Variants in TYW1 observed in about 807,000 individuals in gnomAD.
TYW1 encodes tRNA-yW synthesizing protein 1 homolog.
TYW1 carries 46 observed loss-of-function variants against 96.2 expected under a neutral mutation model. That is an observed-to-expected ratio of 0.48 (90% CI 0.38 to 0.61). The LOEUF (loss-of-function observed/expected upper bound fraction) is 0.61. Ranked by LOEUF, TYW1 falls within the 20% of genes least tolerant of loss-of-function variation. The probability of loss-of-function intolerance (pLI) is 0.00; values close to 1 mark genes in which losing one functional copy is unlikely to be tolerated. For missense variants in TYW1, 684 were observed against 909.6 expected, an observed-to-expected ratio of 0.75 and a Z score of 3.19; for synonymous variants, 274 against 323.0, an observed-to-expected ratio of 0.85 and a Z score of 1.63.
intron 15 of TYW1, among the ~76,000 whole-genome samples, chr7:67,217,425 A>C (rs1801233145): frequency 6.6e-6 from 1 of 152,226 alleles, no homozygotes; most frequent in African/African-American, 2.4e-5. Flanking sequence ...ATTTTGAGTT[A>C]ATTTTTGCAT....
rs1311982611 is a variant in TYW1, at chr7:67,009,607, G to A, written c.298G>A (p.Ala100Thr). The change falls in exon 4 of 16, where the codon GCA becomes ACA. Residue 100 changes from alanine to threonine, a missense_variant. Physicochemically the swap from Ala to Thr is moderately conservative, Grantham distance 58 (BLOSUM62 0). Transcript: ENST00000359626. Reference protein sequence around the residue: ...AKGFATVLAEAVTSLDLPVAI... With the variant: ...AKGFATVLAETVTSLDLPVAI... The stretch of plus-strand genomic sequence containing the variant: ...GGGATTCGCAACAGTTCTTGCTGAA[G>A]CAGTTACATCCCTGGATCTGCCTGT... 6.2e-7 allele frequency: 1 copy of A among 1,612,360 alleles called. No homozygotes were observed. Among genetic ancestry groups the A allele is most frequent in the South Asian group, 1.1e-5 (1 of 90,306 alleles).
intron 12 of TYW1, among the ~76,000 whole-genome samples, chr7:67,102,007 A>G (rs1462514895): frequency 2.0e-5 from 3 of 152,200 alleles, no homozygotes; most frequent in Non-Finnish European, 4.4e-5. Flanking sequence ...GTTGGGTTTT[A>G]AATTCCTGAA....
chr7:67,233,267 G>A lies in TYW1; in HGVS notation c.1978-5041G>A, dbSNP rs1357099585. On this transcript the variant is annotated intron_variant, in intron 15 of 15. Coordinates refer to ENST00000359626, the MANE Select transcript of TYW1 (RefSeq NM_018264.4). ...GTTTCAAGAGGAAGTAATAGTAAATGCATGTGTTTAATCTACCATCTTTAA... is the reference window on the plus strand; with the variant it reads ...GTTTCAAGAGGAAGTAATAGTAAATACATGTGTTTAATCTACCATCTTTAA... Among the ~76,000 whole-genome samples, 2 of 135,068 alleles carry A rather than the reference G, an allele frequency of 1.5e-5. 1 individual carries two copies. The highest frequency in any genetic ancestry group is 3.2e-5 in the Non-Finnish European group (2 of 62,910). The allele number at this position is 135,068 out of a possible 152,430, so 88.6% of individuals were successfully genotyped here.
chr7:67,040,648 C>T (rs1267768796), intron 7 of TYW1, among the ~76,000 whole-genome samples: 1 of 152,014 alleles, frequency 6.6e-6, no homozygotes, highest in East Asian at 1.9e-4. Context: ...AGTTTGAGAC[C>T]AGCCTGGGCA....
chr7:67,204,500 TTC>T (rs1439708836), intron 15 of TYW1, among the ~76,000 whole-genome samples: 14 of 144,990 alleles, frequency 9.7e-5, no homozygotes, highest in African/African-American at 2.3e-4. Context: ...CCCTTCCTTC[TTC>T]TCTTTTTTTA....
chr7:67,100,457 A>G (rs974602515), intron 12 of TYW1, among the ~76,000 whole-genome samples: 2 of 151,566 alleles, frequency 1.3e-5, no homozygotes, highest in African/African-American at 2.4e-5. Context: ...TGCTCAGTAC[A>G]TGGGTAGTGA....
chr7:67,158,099 T>TTTTC, intron 13 of TYW1, among the ~76,000 whole-genome samples: 1 of 146,550 alleles, frequency 6.8e-6, no homozygotes, highest in Non-Finnish European at 1.5e-5. Flanking sequence ...TTTTTTTTTT[T>TTTTC]TTTTTTTGTG....
intron 15 of TYW1, among the ~76,000 whole-genome samples, chr7:67,228,532 C>T (rs1000952246): frequency 4.6e-5 from 7 of 152,138 alleles, no homozygotes; most frequent in African/African-American, 1.4e-4. Flanking sequence ...TTAATAAAGG[C>T]TTTTTCCTAA....
intron 13 of TYW1, among the ~76,000 whole-genome samples, chr7:67,145,596 T>G (rs1285584148): frequency 6.6e-6 from 1 of 152,202 alleles, no homozygotes; most frequent in Non-Finnish European, 1.5e-5. Context: ...TTACTATTGT[T>G]TCATCATCTT....
chr7:67,108,810 A>G (rs1450434004), intron 12 of TYW1, among the ~76,000 whole-genome samples: 7 of 152,116 alleles, frequency 4.6e-5, no homozygotes, highest in African/African-American at 1.7e-4. Context: ...CATTTGCTGA[A>G]CATTATAGAC....
intron 15 of TYW1, among the ~76,000 whole-genome samples, chr7:67,223,131 G>A (rs943506402): frequency 6.6e-6 from 1 of 151,868 alleles, no homozygotes; most frequent in Non-Finnish European, 1.5e-5. Flanking sequence ...CTTTAAGATC[G>A]CTGTTTTAAA....
intron 1 of TYW1, among the ~76,000 whole-genome samples, chr7:66,997,848 C>T (rs1281885311): frequency 1.3e-5 from 2 of 152,056 alleles, no homozygotes; most frequent in African/African-American, 2.4e-5. Flanking sequence ...AGGCTGGTCT[C>T]GAACTCCTGA....
chr7:67,154,568 T>G (rs1268590299), intron 13 of TYW1, among the ~76,000 whole-genome samples: 1 of 152,072 alleles, frequency 6.6e-6, no homozygotes, highest in East Asian at 1.9e-4. Flanking sequence ...CTTAGTCTAA[T>G]GGAGATTCCC....
chr7:67,094,556 T>G (rs891799214), intron 11 of TYW1, among the ~76,000 whole-genome samples: 4 of 152,188 alleles, frequency 2.6e-5, no homozygotes, highest in African/African-American at 9.7e-5. Flanking sequence ...TTTGCATTTC[T>G]CTGCAAATGA....
At chr7:67,151,515 T>G (rs1244716349) in intron 13 of TYW1, among the ~76,000 whole-genome samples, 1 of 152,118 alleles carries the variant, frequency 6.6e-6, no homozygotes, top group Non-Finnish European at 1.5e-5. Context: ...AATGTCTCCT[T>G]TAGGAGTGAT....
In TYW1 at chr7:67,194,978, C is replaced by T. The variant is rs1584681313; in HGVS notation, c.1810-192C>T. 2.7e-5 allele frequency among the ~76,000 whole-genome samples: 4 copies of T among 146,396 alleles called. No homozygotes were observed. In the East Asian group the frequency reaches 7.7e-4, roughly 28 times the overall value. On this transcript the variant is annotated intron_variant, in intron 14 of 15. Transcript: ENST00000359626. Reference sequence around the variant, plus strand: ...ATAGAGTAGCAAGAGCATCAGCCTGCTGTCTTTGTCAGTAGCTACTTGTAT... The same window carrying T: ...ATAGAGTAGCAAGAGCATCAGCCTGTTGTCTTTGTCAGTAGCTACTTGTAT...
intron 15 of TYW1, among the ~76,000 whole-genome samples, chr7:67,216,790 G>A (rs1321655699): frequency 2.0e-5 from 3 of 150,550 alleles, no homozygotes; most frequent in African/African-American, 7.4e-5. Flanking sequence ...TTGTCATTGA[G>A]ATCTAAGTTT....
At chr7:67,178,005 A>C (rs1262563657) in intron 13 of TYW1, among the ~76,000 whole-genome samples, 23 of 76,848 alleles carry the variant, frequency 3.0e-4, no homozygotes, top group African/African-American at 1.0e-3. Context: ...AAAAAAAAAG[A>C]AAAAAAAAAA....
intron 13 of TYW1, among the ~76,000 whole-genome samples, chr7:67,125,216 A>T (rs1797878480): frequency 1.3e-5 from 2 of 152,212 alleles, no homozygotes. Flanking sequence ...ACTTTAAAAA[A>T]GTATATGTTT....
Sources: gnomAD v4.1 joint callset for allele counts (sites outside exome capture counted in the v4.1 genomes callset) on GRCh38, gnomAD v4.1.1 for gene constraint, MANE v1.5 for transcripts, NCBI Gene and HGNC (gene_info 2026-07-23, HGNC 2026-07-21) for gene names.